Variants in FEV observed in about 807,000 individuals in gnomAD.
FEV encodes protein FEV.
A neutral mutation model predicts 20.5 loss-of-function variants in FEV; 14 were observed. The observed-to-expected ratio is 0.68, with a 90% confidence interval of 0.45 to 1.07. FEV has a LOEUF of 1.07. FEV is among the 50% of genes least tolerant of loss of function. FEV has a pLI of 0.00. For synonymous variants in FEV, 188 were observed against 163.7 expected, an observed-to-expected ratio of 1.15 and a Z score of -1.13; for missense variants, 301 against 345.3, an observed-to-expected ratio of 0.87 and a Z score of 1.02.
chr2:218,982,174 G>T lies in FEV; in HGVS notation c.210C>A (p.Gly70=), dbSNP rs1266897411. The T allele has an allele frequency of 5.6e-6, 9 of 1,612,506 alleles. No individual in the cohort carries two copies. The highest frequency in any genetic ancestry group is 1.3e-5 in the African/African-American group (1 of 74,914). Residue 70 remains glycine (G), a synonymous_variant, in exon 3 of 3, where the codon GGC becomes GGA. Coordinates refer to ENST00000295727, the MANE Select transcript of FEV (RefSeq NM_017521.3). Reference sequence around the variant, plus strand: ...CCGTGAGCTTGAACTCGCCGTGACCGCCCTCCCACGCGATGCAGCCGGCGT... The same window carrying T: ...CCGTGAGCTTGAACTCGCCGTGACCTCCCTCCCACGCGATGCAGCCGGCGT... ...RANAGCIAWE[G]GHGEFKLTDP...
At position 218,984,333 on chromosome 2, in the gene FEV, G is replaced by T. The variant is rs964532954; in HGVS notation, c.53-28C>A. ...GCAAGCAGCAGAAGAAAAGAATCAG[G>T]AGAACCCCGGGCGGAAGTTGTGGGC... On this transcript the variant is annotated intron_variant, in intron 1 of 2. Transcript: ENST00000295727. The surrounding 1 kb of genome is among the most constrained non-coding windows in gnomAD (Gnocchi z 5.0). 5 of 1,558,352 alleles carry T rather than the reference G, an allele frequency of 3.2e-6. No individual in the cohort carries two copies. In the Admixed American group the frequency reaches 5.7e-5, roughly 18 times the overall value.
rs1220931120 is a variant in FEV, at chr2:218,985,063, C to T, written c.13G>A (p.Gly5Ser). Residue 5 changes from glycine (G) to serine (S), a missense_variant, in exon 1 of 3, where the codon GGC becomes AGC. Transcript: ENST00000295727. MRQS[G>S]ASQPLLINMY... ...TTGATCAGCAGGGGCTGGGAGGCGC[C>T]GCTCTGTCTCATCGCCGCCGGGGAC... 6.4e-7 allele frequency: 1 copy of T among 1,557,518 alleles called. No homozygotes were observed.
intron 2 of FEV, among the ~76,000 whole-genome samples, chr2:218,983,684 T>G (rs191703340): frequency 1.3e-5 from 2 of 152,256 alleles, no homozygotes; most frequent in East Asian, 3.9e-4. Context: ...AGACGCTGCT[T>G]GAAGAGCCAG....
In FEV at chr2:218,984,978, C is replaced by T. The variant is rs2106013082; in HGVS notation, c.52+46G>A. Reference sequence around the variant, plus strand: ...CTTCCCATGCCTGAGCCTAGACTTCCCGCCCCAGGTTCCGGTGCCACCAGC... The same window carrying T: ...CTTCCCATGCCTGAGCCTAGACTTCTCGCCCCAGGTTCCGGTGCCACCAGC... On this transcript the variant is annotated intron_variant, in intron 1 of 2. Coordinates refer to ENST00000295727, the MANE Select transcript of FEV (RefSeq NM_017521.3). The surrounding 1 kb of genome is among the most constrained non-coding windows in gnomAD (Gnocchi z 5.0). The T allele has an allele frequency of 1.3e-6, 2 of 1,521,588 alleles. No individual in the cohort carries two copies. Among genetic ancestry groups the T allele is most frequent in the Middle Eastern group, 1.7e-4 (1 of 5,936 alleles). 94.3% of individuals were successfully genotyped at this position (1,521,588 alleles called of 1,614,324 possible). A position where few individuals can be genotyped will look rare whatever the true frequency, so the allele number is the denominator to read the frequency against.
chr2:218,984,111 C>T lies in FEV; in HGVS notation c.127+120G>A. The T allele has an allele frequency of 4.1e-6, 4 of 965,470 alleles. No homozygotes were observed. Among genetic ancestry groups the T allele is most frequent in the Non-Finnish European group, 4.5e-6 (3 of 664,958 alleles). The allele number at this position is 965,470 out of a possible 1,614,324, so 59.8% of individuals were successfully genotyped here. On this transcript the variant is annotated intron_variant, in intron 2 of 2. Coordinates refer to ENST00000295727, the MANE Select transcript of FEV (RefSeq NM_017521.3). The surrounding 1 kb of genome is among the most constrained non-coding windows in gnomAD (Gnocchi z 5.0). ...TGTCTTCCCAAGGCCTCCGCACAAC[C>T]AGGCCAGGACTCCGGGCTTCAGTGT...
At position 218,981,447 on chromosome 2, in the gene FEV, C is replaced by G. The variant is rs376093959; in HGVS notation, c.*220G>C. On this transcript the variant is annotated 3_prime_UTR_variant, in exon 3 of 3. Transcript: ENST00000295727. The surrounding 1 kb of genome is among the most constrained non-coding windows in gnomAD (Gnocchi z 4.5). Reference sequence around the variant, plus strand: ...AAAAAAAGTGAAAGAGGGCGCACATCGCCCTCCTCAGGGGACTGCGGGGTG... The same window carrying G: ...AAAAAAAGTGAAAGAGGGCGCACATGGCCCTCCTCAGGGGACTGCGGGGTG... 5.3e-5 allele frequency: 21 copies of G among 396,748 alleles called. No homozygotes were observed. The Middle Eastern group carries it at 2.5e-3, about 48-fold the overall frequency. 24.6% of individuals were successfully genotyped at this position (396,748 alleles called of 1,614,324 possible).
In FEV at chr2:218,981,493, C is replaced by A. The variant is rs1574486929; in HGVS notation, c.*174G>T. Reference sequence around the variant, plus strand: ...GGGTGGGACAGGAGCAAATCTAGTACCAGACAAGGATTGAGGGAGCTTCGG... The same window carrying A: ...GGGTGGGACAGGAGCAAATCTAGTAACAGACAAGGATTGAGGGAGCTTCGG... On this transcript the variant is annotated 3_prime_UTR_variant, in exon 3 of 3. Transcript: ENST00000295727. The surrounding 1 kb of genome is among the most constrained non-coding windows in gnomAD (Gnocchi z 4.5). 2.1e-6 allele frequency: 1 copy of A among 466,372 alleles called. No individual in the cohort carries two copies. The highest frequency in any genetic ancestry group is 3.6e-5 in the East Asian group (1 of 28,124). The allele number at this position is 466,372 out of a possible 1,614,324, so 28.9% of individuals were successfully genotyped here.
chr2:218,982,087 G>T lies in FEV; in HGVS notation c.297C>A (p.Asp99Glu). ...AGTAGCGCAGGGCGCGGCTCAGCTT[G>T]TCGTAGTTCATGTTGGGCTTGCTCT... Reference protein sequence around the residue: ...ERKSKPNMNYDKLSRALRYYY... With the variant: ...ERKSKPNMNYEKLSRALRYYY... Residue 99 changes from aspartate (D) to glutamate (E), a missense_variant, in exon 3 of 3, where the codon GAC (aspartate) becomes GAA (glutamate). Coordinates refer to ENST00000295727, the MANE Select transcript of FEV (RefSeq NM_017521.3). 1 of 1,613,872 alleles carries T rather than the reference G, an allele frequency of 6.2e-7. No individual in the cohort carries two copies. The highest frequency in any genetic ancestry group is 8.5e-7 in the Non-Finnish European group (1 of 1,179,882).
At chr2:218,983,762 C>A (rs926247043) in intron 2 of FEV, among the ~76,000 whole-genome samples, 1 of 152,168 alleles carries the variant, frequency 6.6e-6, no homozygotes, top group Non-Finnish European at 1.5e-5. Context: ...CAATTGCAAT[C>A]GTCTGGCAGA....
chr2:218,981,449 C>G lies in FEV; in HGVS notation c.*218G>C. 2.5e-6 allele frequency: 1 copy of G among 399,420 alleles called. No individual in the cohort carries two copies. Among genetic ancestry groups the G allele is most frequent in the Non-Finnish European group, 4.4e-6 (1 of 229,658 alleles). The allele number at this position is 399,420 out of a possible 1,614,324, so 24.7% of individuals were successfully genotyped here. ...AAAAAGTGAAAGAGGGCGCACATCGCCCTCCTCAGGGGACTGCGGGGTGGG... is the reference window on the plus strand; with the variant it reads ...AAAAAGTGAAAGAGGGCGCACATCGGCCTCCTCAGGGGACTGCGGGGTGGG... On this transcript the variant is annotated 3_prime_UTR_variant, in exon 3 of 3. Transcript: ENST00000295727. The surrounding 1 kb of genome is among the most constrained non-coding windows in gnomAD (Gnocchi z 4.5).
chr2:218,983,361 C>G (rs953581158), intron 2 of FEV, among the ~76,000 whole-genome samples: 7 of 152,244 alleles, frequency 4.6e-5, no homozygotes, highest in Non-Finnish European at 1.0e-4. Flanking sequence ...TTGAACCCCT[C>G]TTACTTTTTC....
chr2:218,982,562 C>A (rs996081410), intron 2 of FEV, among the ~76,000 whole-genome samples: 7 of 152,170 alleles, frequency 4.6e-5, no homozygotes, highest in African/African-American at 7.2e-5. Context: ...TGCCTCCCCC[C>A]ACGTGAGCGC....
rs772278665 is a variant in FEV, at chr2:218,981,658, C to T, written c.*9G>A. The T allele has an allele frequency of 2.9e-4, 384 of 1,302,280 alleles. No individual in the cohort carries two copies. The highest frequency in any genetic ancestry group is 3.5e-4 in the Non-Finnish European group (362 of 1,030,688). The allele number at this position is 1,302,280 out of a possible 1,614,324, so 80.7% of individuals were successfully genotyped here. ...TGCGGGCGAGGCCGCAGGCACCCGA[C>T]CGCCCCGTCTAGTGGTAATGGCCCC... On this transcript the variant is annotated 3_prime_UTR_variant, in exon 3 of 3. Transcript: ENST00000295727. The surrounding 1 kb of genome is among the most constrained non-coding windows in gnomAD (Gnocchi z 4.5).
rs1433481999 is a variant in FEV, at chr2:218,984,424, G to A, written c.53-119C>T. 6 of 955,128 alleles carry A rather than the reference G, an allele frequency of 6.3e-6. No individual in the cohort carries two copies. Among genetic ancestry groups the A allele is most frequent in the Non-Finnish European group, 7.5e-6 (5 of 662,888 alleles). 59.2% of individuals were successfully genotyped at this position (955,128 alleles called of 1,614,324 possible). A position where few individuals can be genotyped will look rare whatever the true frequency, so the allele number is the denominator to read the frequency against. On this transcript the variant is annotated intron_variant, in intron 1 of 2. Coordinates refer to ENST00000295727, the MANE Select transcript of FEV (RefSeq NM_017521.3). This position sits in a 1 kb window ranked among gnomAD's most constrained non-coding sequence, Gnocchi z 5.0. ...GTGGTCCCCAGGCGCGAGGCTGGGG[G>A]CCCGGGCCACCCGGCTCCTCCTCCC...
rs1029541845 is a variant in FEV at position 218,984,644 on chromosome 2, A to G, written c.53-339T>C. Among the ~76,000 whole-genome samples, 3 of 152,332 alleles carry G rather than the reference A, an allele frequency of 2.0e-5. No individual in the cohort carries two copies. Among genetic ancestry groups the G allele is most frequent in the Non-Finnish European group, 4.4e-5 (3 of 68,024 alleles). On this transcript the variant is annotated intron_variant, in intron 1 of 2. Transcript: ENST00000295727. This position sits in a 1 kb window ranked among gnomAD's most constrained non-coding sequence, Gnocchi z 5.0. ...GGAGGGCCGGCCTGAAGCTCGTAGC[A>G]GGAAGGTGAGGAGCCGTGAGAGCGC...
At position 218,982,228 on chromosome 2, in the gene FEV, A is replaced by G; in HGVS notation, c.156T>C (p.Phe52=). Residue 52 remains phenylalanine, a synonymous_variant, in exon 3 of 3, where the codon TTT becomes TTC. Transcript: ENST00000295727. The part of the protein sequence containing the change: ...KGSGQIQLWQ[F]LLELLADRAN... The stretch of plus-strand genomic sequence containing the variant: ...CGCGGTCAGCCAGCAGCTCCAGCAG[A>G]AACTGCCACAGCTGGATCTGTCCGC... 1 of 1,602,820 alleles carries G rather than the reference A, an allele frequency of 6.2e-7. No homozygotes were observed. Among genetic ancestry groups the G allele is most frequent in the Non-Finnish European group, 8.5e-7 (1 of 1,175,834 alleles).
In FEV at chr2:218,984,347, G is replaced by A. The variant is rs1421992058; in HGVS notation, c.53-42C>T. 1.9e-6 allele frequency: 3 copies of A among 1,539,422 alleles called. No individual in the cohort carries two copies. The highest frequency in any genetic ancestry group is 1.2e-5 in the South Asian group (1 of 83,916). On this transcript the variant is annotated intron_variant, in intron 1 of 2. Transcript: ENST00000295727. The surrounding 1 kb of genome is among the most constrained non-coding windows in gnomAD (Gnocchi z 5.0). The stretch of plus-strand genomic sequence containing the variant: ...AAAAGAATCAGGAGAACCCCGGGCG[G>A]AAGTTGTGGGCTTGACAAAAGGGCC...
At position 218,984,125 on chromosome 2, in the gene FEV, G is replaced by A. The variant is rs942316371; in HGVS notation, c.127+106C>T. 2 of 1,148,794 alleles carry A rather than the reference G, an allele frequency of 1.7e-6. No individual in the cohort carries two copies. The highest frequency in any genetic ancestry group is 1.5e-5 in the South Asian group (1 of 64,964). The allele number at this position is 1,148,794 out of a possible 1,614,324, so 71.2% of individuals were successfully genotyped here. On this transcript the variant is annotated intron_variant, in intron 2 of 2. Transcript: ENST00000295727. The surrounding 1 kb of genome is among the most constrained non-coding windows in gnomAD (Gnocchi z 5.0). ...CTCCGCACAACCAGGCCAGGACTCC[G>A]GGCTTCAGTGTGAACCCTGGGTCCA... is the stretch of plus-strand genomic sequence containing the variant.
intron 2 of FEV, among the ~76,000 whole-genome samples, chr2:218,983,796 C>T (rs926409091): frequency 1.3e-4 from 20 of 152,174 alleles, no homozygotes; most frequent in Non-Finnish European, 1.5e-4. Context: ...GATCAGCCGG[C>T]GTGAGTCAGC....
Sources: allele counts gnomAD v4.1 joint callset (sites outside exome capture counted in the v4.1 genomes callset), GRCh38; gene constraint gnomAD v4.1.1; non-coding constraint Gnocchi (gnomAD v3.1); transcripts MANE v1.5; gene names NCBI Gene and HGNC (gene_info 2026-07-23, HGNC 2026-07-21).